MECOM: variants seen among roughly 807,000 people sequenced by gnomAD.
MECOM encodes the protein histone-lysine N-methyltransferase MECOM.
MECOM carries 13 observed loss-of-function variants against 116.3 expected under a neutral mutation model. The observed-to-expected ratio is 0.11, with a 90% confidence interval of 0.07 to 0.18. The LOEUF (loss-of-function observed/expected upper bound fraction) is 0.18. MECOM is among the 10% of genes least tolerant of loss of function. The pLI is 1.00. For missense variants in MECOM, 1,299 were observed against 1,509.0 expected, an observed-to-expected ratio of 0.86 and a Z score of 2.31; for synonymous variants, 528 against 535.2, an observed-to-expected ratio of 0.99 and a Z score of 0.19.
intron 1 of MECOM, among the ~76,000 whole-genome samples, chr3:169,545,394 G>C (rs192046662): frequency 2.6e-5 from 4 of 152,138 alleles, no homozygotes; most frequent in African/African-American, 9.7e-5. Context: ...AGCTCCTAAA[G>C]GGAGAATAAG....
chr3:169,088,038 A>G (rs1576819888), intron 16 of MECOM, among the ~76,000 whole-genome samples: 1 of 152,168 alleles, frequency 6.6e-6, no homozygotes, highest in Admixed American at 6.5e-5. Context: ...GTTTTTCCCA[A>G]CTTCCTTGGG....
At chr3:169,641,439 T>A (rs1773478210) in intron 1 of MECOM, among the ~76,000 whole-genome samples, 1 of 152,212 alleles carries the variant, frequency 6.6e-6, no homozygotes, top group Non-Finnish European at 1.5e-5. Flanking sequence ...CTCTGGCTTC[T>A]GTGCAATGGA....
At chr3:169,221,686 T>C (rs764060315) in intron 2 of MECOM, among the ~76,000 whole-genome samples, 2 of 152,106 alleles carry the variant, frequency 1.3e-5, no homozygotes, top group South Asian at 2.1e-4. Flanking sequence ...AACTTTTGGC[T>C]GACGTGTCCT....
chr3:169,360,513 A>G (rs1728121913), intron 2 of MECOM, among the ~76,000 whole-genome samples: 1 of 151,684 alleles, frequency 6.6e-6, no homozygotes, highest in Non-Finnish European at 1.5e-5. Flanking sequence ...AGGTACCATA[A>G]TTAAAGAAAA....
chr3:169,184,501 G>A (rs1345206787), intron 2 of MECOM, among the ~76,000 whole-genome samples: 1 of 145,828 alleles, frequency 6.9e-6, no homozygotes, highest in East Asian at 2.0e-4. Context: ...TTTTCAAAAT[G>A]TTTTAGTGCA....
At chr3:169,509,787 T>C (rs943620048) in intron 1 of MECOM, among the ~76,000 whole-genome samples, 5 of 152,386 alleles carry the variant, frequency 3.3e-5, no homozygotes, top group Admixed American at 2.0e-4. Context: ...TGTTTGCACC[T>C]TTCGACCATT....
intron 2 of MECOM, among the ~76,000 whole-genome samples, chr3:169,245,405 T>A (rs1465995240): frequency 6.6e-6 from 1 of 152,196 alleles, no homozygotes; most frequent in Non-Finnish European, 1.5e-5. Flanking sequence ...CATATTATAT[T>A]TGACAAGCTG....
chr3:169,370,215 C>A (rs1014698191), intron 2 of MECOM, among the ~76,000 whole-genome samples: 2 of 151,848 alleles, frequency 1.3e-5, no homozygotes, highest in African/African-American at 4.8e-5. Flanking sequence ...AGAAACAAAG[C>A]CACACATATA....
chr3:169,498,172 A>C (rs1406925992), intron 1 of MECOM, among the ~76,000 whole-genome samples: 2 of 152,140 alleles, frequency 1.3e-5, no homozygotes, highest in Non-Finnish European at 2.9e-5. Flanking sequence ...ATATCAGTTA[A>C]GTGTAATTTG....
chr3:169,472,898 T>C, intron 1 of MECOM: 1 of 852,170 alleles, frequency 1.2e-6, no homozygotes, highest in Non-Finnish European at 1.4e-6. Context: ...GTAAGACAAA[T>C]ATGTCACATG....
intron 10 of MECOM, among the ~76,000 whole-genome samples, chr3:169,104,479 A>C (rs1724671437): frequency 6.6e-6 from 1 of 152,218 alleles, no homozygotes; most frequent in Admixed American, 6.5e-5. Flanking sequence ...ACTACTAACA[A>C]GCATGGGTAA....
At chr3:169,499,598 C>A (rs1289602371) in intron 1 of MECOM, among the ~76,000 whole-genome samples, 1 of 137,414 alleles carries the variant, frequency 7.3e-6, no homozygotes, top group Non-Finnish European at 1.5e-5. Flanking sequence ...AAATACTAAA[C>A]AATTTACTTC....
At chr3:169,135,062 G>A (rs1207871678) in intron 3 of MECOM, among the ~76,000 whole-genome samples, 1 of 152,030 alleles carries the variant, frequency 6.6e-6, no homozygotes, top group East Asian at 1.9e-4. Flanking sequence ...GAGTTATAAT[G>A]TCTTTAAAAT....
At chr3:169,085,370 T>C (rs957510573) in intron 16 of MECOM, among the ~76,000 whole-genome samples, 1 of 152,170 alleles carries the variant, frequency 6.6e-6, no homozygotes, top group African/African-American at 2.4e-5. Flanking sequence ...ATATGTTCAA[T>C]TCACCAAAAA....
At chr3:169,449,574 C>T (rs1219880309) in intron 1 of MECOM, among the ~76,000 whole-genome samples, 1 of 152,074 alleles carries the variant, frequency 6.6e-6, no homozygotes, top group Non-Finnish European at 1.5e-5. Flanking sequence ...AGACTTAAAG[C>T]TTTAATATGG....
intron 1 of MECOM, among the ~76,000 whole-genome samples, chr3:169,543,914 C>T (rs1325292282): frequency 6.6e-6 from 1 of 152,136 alleles, no homozygotes; most frequent in African/African-American, 2.4e-5. Flanking sequence ...GAGATGGAGT[C>T]TCACTCTGTG....
intron 1 of MECOM, among the ~76,000 whole-genome samples, chr3:169,494,464 G>C (rs574125515): frequency 1.7e-4 from 26 of 152,210 alleles, no homozygotes; most frequent in African/African-American, 6.3e-4. Context: ...TCTAACTGTT[G>C]AGAATACAAT....
intron 1 of MECOM, among the ~76,000 whole-genome samples, chr3:169,392,354 A>G (rs1350063693): frequency 7.9e-5 from 12 of 152,204 alleles, no homozygotes; most frequent in South Asian, 2.1e-4. Flanking sequence ...GCACATTCCA[A>G]TTGAAATTTT....
intron 5 of MECOM, 95 bp from the exon 6 acceptor site, chr3:169,122,822 G>A: frequency 1.5e-6 from 2 of 1,376,450 alleles, no homozygotes; most frequent in Non-Finnish European, 2.0e-6. Context: ...AAAGAAACAA[G>A]AAGGAAAAGG....
Sources: allele counts gnomAD v4.1 joint callset (sites outside exome capture counted in the v4.1 genomes callset), GRCh38; gene constraint gnomAD v4.1.1; transcripts MANE v1.5; gene names NCBI Gene and HGNC (gene_info 2026-07-23, HGNC 2026-07-21).